DLGAP2: variants seen among roughly 807,000 people sequenced by gnomAD.
DLGAP2 encodes disks large-associated protein 2.
In DLGAP2, 26 loss-of-function variants were observed where a neutral mutation model predicts 100.3. The observed-to-expected ratio is 0.26, with a 90% CI of 0.19 to 0.36. The LOEUF is 0.36. Among genes scored for constraint, DLGAP2 ranks in the 10% least tolerant of loss-of-function variants. The pLI, the probability that DLGAP2 is intolerant of heterozygous loss-of-function variation, is 1.00. For missense variants in DLGAP2, 1,858 were observed against 1,453.2 expected, an observed-to-expected ratio of 1.28 and a Z score of -4.53; for synonymous variants, 886 against 630.1, an observed-to-expected ratio of 1.41 and a Z score of -6.08.
intron 6 of DLGAP2, among the ~76,000 whole-genome samples, chr8:1,585,700 C>T (rs925705728): frequency 6.6e-6 from 1 of 152,202 alleles, no homozygotes; most frequent in Non-Finnish European, 1.5e-5. Context: ...CCCCGTGCCC[C>T]CACCACCCAG....
At chr8:1,365,497 G>A (rs1802088807) in intron 3 of DLGAP2, among the ~76,000 whole-genome samples, 1 of 152,190 alleles carries the variant, frequency 6.6e-6, no homozygotes, top group African/African-American at 2.4e-5. Flanking sequence ...TTACTGAGCA[G>A]GTGCCCTCCC....
intron 1 of DLGAP2, among the ~76,000 whole-genome samples, chr8:781,012 C>G (rs1821671293): frequency 6.6e-6 from 1 of 152,186 alleles, no homozygotes. Context: ...TGTATAGTAC[C>G]TTATGATTTT....
chr8:1,281,112 C>T (rs992990838), intron 3 of DLGAP2, among the ~76,000 whole-genome samples: 1 of 152,168 alleles, frequency 6.6e-6, no homozygotes, highest in Non-Finnish European at 1.5e-5. Flanking sequence ...ATGCCAAGTT[C>T]TTATAGTGCC....
At chr8:1,571,390 G>C (rs1291539815) in intron 6 of DLGAP2, among the ~76,000 whole-genome samples, 2 of 145,792 alleles carry the variant, frequency 1.4e-5, no homozygotes, top group African/African-American at 2.5e-5. Flanking sequence ...TGAACTGTGG[G>C]GGCATCTGAT....
rs142031403 is a variant in DLGAP2 at position 865,832 on chromosome 8, C to T, written c.19-42080C>T. On this transcript the variant is annotated intron_variant, in intron 1 of 14. Transcript: ENST00000637795. ...GTCTGCCCAGCTACAGGGTCCTGAG[C>T]TTGCCCCCTCAGAGAGAGGTGTGGT... 2.3e-3 allele frequency among the ~76,000 whole-genome samples: 350 copies of T among 152,298 alleles called. 1 individual carries two copies. Among genetic ancestry groups the T allele is most frequent in the African/African-American group, 7.8e-3 (326 of 41,558 alleles).
chr8:895,329 G>T (rs969216143), intron 1 of DLGAP2, among the ~76,000 whole-genome samples: 1 of 152,088 alleles, frequency 6.6e-6, no homozygotes, highest in Admixed American at 6.5e-5. Flanking sequence ...TTAAAATTAT[G>T]GATGTGTATA....
intron 8 of DLGAP2, among the ~76,000 whole-genome samples, chr8:1,666,427 C>T (rs1329307849): frequency 6.6e-6 from 1 of 152,170 alleles, no homozygotes; most frequent in Admixed American, 6.5e-5. Flanking sequence ...AATCCCAGTA[C>T]TTTGGGAGAC....
chr8:1,661,024 C>G (rs1798397693), intron 8 of DLGAP2, among the ~76,000 whole-genome samples: 1 of 152,208 alleles, frequency 6.6e-6, no homozygotes, highest in South Asian at 2.1e-4. Context: ...TCACCTGTTT[C>G]TGCTGGCAAG....
intron 6 of DLGAP2, among the ~76,000 whole-genome samples, chr8:1,569,952 T>A (rs767213774): frequency 7.9e-5 from 12 of 152,160 alleles, no homozygotes; most frequent in Non-Finnish European, 1.6e-4. Context: ...CCCATGGCAC[T>A]GCTCTGTGGA....
chr8:1,489,798 A>C (rs1036163925), intron 3 of DLGAP2, among the ~76,000 whole-genome samples: 9 of 152,344 alleles, frequency 5.9e-5, no homozygotes, highest in Non-Finnish European at 1.3e-4. Context: ...TGGGAATTTC[A>C]ATAACACTTA....
rs564771654 is a variant in DLGAP2 at position 1,141,352 on chromosome 8, A to T, written c.74-117499A>T. ...AATTGAATTTGGGCTAAAGAAACCC[A>T]ATTGGACCTGATTTATTTTATGCTT... On this transcript the variant is annotated intron_variant, in intron 2 of 14. Coordinates refer to ENST00000637795, the MANE Select transcript of DLGAP2 (RefSeq NM_001346810.2). 8.3e-4 allele frequency among the ~76,000 whole-genome samples: 126 copies of T among 152,362 alleles called. No homozygotes were observed. In the South Asian group the frequency reaches 0.016, roughly 20 times the overall value.
At chr8:1,180,439 C>G (rs759035938) in intron 2 of DLGAP2, among the ~76,000 whole-genome samples, 33 of 152,360 alleles carry the variant, frequency 2.2e-4, no homozygotes, top group Admixed American at 5.9e-4. Flanking sequence ...TCAAGCAGTC[C>G]TCTGCTTCAG....
At chr8:1,028,500 C>T (rs943799300) in intron 2 of DLGAP2, among the ~76,000 whole-genome samples, 14 of 152,078 alleles carry the variant, frequency 9.2e-5, no homozygotes, top group East Asian at 1.9e-4. Context: ...GCCAGGCGCC[C>T]GTTATTCTCC....
chr8:929,918 T>C (rs1050983688), intron 2 of DLGAP2, among the ~76,000 whole-genome samples: 1 of 151,848 alleles, frequency 6.6e-6, no homozygotes, highest in South Asian at 2.1e-4. Context: ...ATTACTTTGG[T>C]CTCTGGCTTT....
chr8:880,065 T>C (rs570794528), intron 1 of DLGAP2, among the ~76,000 whole-genome samples: 34 of 152,348 alleles, frequency 2.2e-4, no homozygotes, highest in Non-Finnish European at 3.7e-4. Flanking sequence ...CTTCTTGTCC[T>C]GCTGCTTCCA....
At chr8:829,942 A>G (rs377567102) in intron 1 of DLGAP2, among the ~76,000 whole-genome samples, 2 of 152,308 alleles carry the variant, frequency 1.3e-5, no homozygotes, top group Admixed American at 6.5e-5. Flanking sequence ...ACAATGTTCA[A>G]TTCTCCAGTG....
chr8:1,282,445 T>C, intron 3 of DLGAP2, among the ~76,000 whole-genome samples: 1 of 117,694 alleles, frequency 8.5e-6, no homozygotes, highest in African/African-American at 3.1e-5. Context: ...TGGTGTGACC[T>C]GAACCCAGCA....
At chr8:980,460 C>T (rs931166321) in intron 2 of DLGAP2, among the ~76,000 whole-genome samples, 2 of 152,204 alleles carry the variant, frequency 1.3e-5, no homozygotes, top group African/African-American at 4.8e-5. Flanking sequence ...AGCCAAGTTT[C>T]CATTTCCTGT....
chr8:1,097,044 CTATGTG>C (rs1266895928), intron 2 of DLGAP2, among the ~76,000 whole-genome samples: 1 of 141,846 alleles, frequency 7.0e-6, no homozygotes, highest in Non-Finnish European at 1.5e-5. Flanking sequence ...GGCCTTCACC[CTATGTG>C]GCATGGAGAG....
Sources: gnomAD v4.1 joint callset for allele counts (sites outside exome capture counted in the v4.1 genomes callset) on GRCh38, gnomAD v4.1.1 for gene constraint, MANE v1.5 for transcripts, NCBI Gene and HGNC (gene_info 2026-07-23, HGNC 2026-07-21) for gene names.